Variants in FUT9 observed in about 807,000 individuals in gnomAD.
FUT9 encodes 4-galactosyl-N-acetylglucosaminide 3-alpha-L-fucosyltransferase 9.
FUT9 carries 15 observed loss-of-function variants against 29.7 expected under a neutral mutation model. That is an observed-to-expected ratio of 0.51 (90% CI 0.34 to 0.78). The LOEUF is 0.78. FUT9 is among the 30% of genes least tolerant of loss of function. The pLI, the probability that FUT9 is intolerant of heterozygous loss-of-function variation, is 0.01. For synonymous variants in FUT9, 169 were observed against 153.7 expected (o/e 1.10, Z -0.74); for missense variants, 319 against 425.4 (o/e 0.75, Z 2.20).
chr6:96,184,066 C>G (rs1773360597), intron 2 of FUT9, among the ~76,000 whole-genome samples: 1 of 152,068 alleles, frequency 6.6e-6, no homozygotes, highest in Non-Finnish European at 1.5e-5. Flanking sequence ...GTGACTCCAT[C>G]TGGTCCTGGA....
intron 2 of FUT9, among the ~76,000 whole-genome samples, chr6:96,148,865 C>A (rs1438491852): frequency 6.6e-6 from 1 of 152,072 alleles, no homozygotes; most frequent in Non-Finnish European, 1.5e-5. Flanking sequence ...AGACTTTTAA[C>A]TACTTGAGGC....
chr6:96,068,180 T>C (rs1770994956), intron 1 of FUT9, among the ~76,000 whole-genome samples: 2 of 152,146 alleles, frequency 1.3e-5, no homozygotes, highest in South Asian at 4.1e-4. Flanking sequence ...ACAGCTAGTG[T>C]ATATATTTGG....
chr6:96,025,806 CT>C, intron 1 of FUT9, among the ~76,000 whole-genome samples: 1 of 151,772 alleles, frequency 6.6e-6, no homozygotes, highest in East Asian at 1.9e-4. Flanking sequence ...TTTTTCTCTG[CT>C]CACAACTTAA....
intron 1 of FUT9, among the ~76,000 whole-genome samples, chr6:96,024,425 C>G (rs1045112100): frequency 1.3e-5 from 2 of 151,774 alleles, no homozygotes; most frequent in African/African-American, 4.8e-5. Flanking sequence ...TGCAGTGGCT[C>G]ATGGCATAAC....
rs3079049 is a variant in FUT9 at position 96,058,468 on chromosome 6, C to CA, written c.-98+42274dup. Among the ~76,000 whole-genome samples the CA allele has an allele frequency of 8.4e-3, 648 of 77,118 alleles. 16 individuals are homozygous for CA. Among genetic ancestry groups the CA allele is most frequent in the East Asian group, 0.028 (68 of 2,386 alleles). The allele number at this position is 77,118 out of a possible 152,430, so 50.6% of individuals were successfully genotyped here. ...AAAGACTGGGAACCTGGCTTTATTCCAAAAAAAAAAAAAAAAAAGCCAGAA... is the reference window on the plus strand; with the variant it reads ...AAAGACTGGGAACCTGGCTTTATTCCAAAAAAAAAAAAAAAAAAAGCCAGAA... On this transcript the variant is annotated intron_variant, in intron 1 of 2. Transcript: ENST00000302103.
rs1773788929 is a variant in FUT9, at chr6:96,204,400, G to A, written c.*165G>A. 2.2e-6 allele frequency: 1 copy of A among 447,404 alleles called. No homozygotes were observed. The highest frequency in any genetic ancestry group is 4.0e-6 in the Non-Finnish European group (1 of 251,348). 27.7% of individuals were successfully genotyped at this position (447,404 alleles called of 1,614,324 possible). The stretch of plus-strand genomic sequence containing the variant: ...GTGGAGATTTTTAAAAGCTCAGCAT[G>A]AGCAATCATTCCATTCGGTTTTAAA... On this transcript the variant is annotated 3_prime_UTR_variant, in exon 3 of 3. Coordinates refer to ENST00000302103, the MANE Select transcript of FUT9 (RefSeq NM_006581.4).
chr6:96,039,498 T>A (rs1007663361), intron 1 of FUT9, among the ~76,000 whole-genome samples: 5 of 152,136 alleles, frequency 3.3e-5, no homozygotes, highest in African/African-American at 1.2e-4. Context: ...TTTTTCTTCA[T>A]TCTGTCTCTT....
intron 2 of FUT9, among the ~76,000 whole-genome samples, chr6:96,174,581 A>G (rs1773170994): frequency 6.6e-6 from 1 of 152,104 alleles, no homozygotes; most frequent in Non-Finnish European, 1.5e-5. Flanking sequence ...TTCTGGCAGA[A>G]ATAGACACAG....
intron 2 of FUT9, among the ~76,000 whole-genome samples, chr6:96,160,861 A>G (rs1046983948): frequency 1.3e-5 from 2 of 152,214 alleles, no homozygotes; most frequent in African/African-American, 4.8e-5. Context: ...AGTAGTAGAA[A>G]TAACAATAAT....
chr6:96,049,528 G>T (rs1442694218), intron 1 of FUT9, among the ~76,000 whole-genome samples: 2 of 152,130 alleles, frequency 1.3e-5, no homozygotes, highest in Non-Finnish European at 2.9e-5. Flanking sequence ...TTTCAAAGGC[G>T]AGGGCCAAGG....
intron 1 of FUT9, among the ~76,000 whole-genome samples, chr6:96,030,297 A>G (rs1445427162): frequency 6.6e-6 from 1 of 151,668 alleles, no homozygotes; most frequent in African/African-American, 2.4e-5. Context: ...ACAAGTTGCA[A>G]AATATTTGAA....
At position 96,211,818 on chromosome 6, in the gene FUT9, T is replaced by A; in HGVS notation, c.*7583T>A. 3.1e-6 allele frequency: 1 copy of A among 323,646 alleles called. No homozygotes were observed. 20.0% of individuals were successfully genotyped at this position (323,646 alleles called of 1,614,324 possible). A position where few individuals can be genotyped will look rare whatever the true frequency, so the allele number is the denominator to read the frequency against. ...TTAAGTAGTTTCTAATTGTGTTCCTTTAAAGAGTATTAGAAATGTCTGTTA... is the reference window on the plus strand; with the variant it reads ...TTAAGTAGTTTCTAATTGTGTTCCTATAAAGAGTATTAGAAATGTCTGTTA... On this transcript the variant is annotated 3_prime_UTR_variant, in exon 3 of 3. Transcript: ENST00000302103.
chr6:96,196,335 T>C (rs1294015251), intron 2 of FUT9, among the ~76,000 whole-genome samples: 1 of 152,186 alleles, frequency 6.6e-6, no homozygotes, highest in African/African-American at 2.4e-5. Context: ...TAAGGTGAAC[T>C]ATTCATTTTT....
Position 96,073,620 on chromosome 6 carries a change from G to T in FUT9, c.-97-40419G>T, listed in dbSNP as rs191390960. 7.2e-5 allele frequency among the ~76,000 whole-genome samples: 11 copies of T among 152,294 alleles called. No individual in the cohort carries two copies. In the East Asian group the frequency reaches 1.2e-3, roughly 16 times the overall value. ...TTGAGAAATGGATTGAACATTATCA[G>T]TATCTTGCTATTAATTAAAATCTTT... On this transcript the variant is annotated intron_variant, in intron 1 of 2. Coordinates refer to ENST00000302103, the MANE Select transcript of FUT9 (RefSeq NM_006581.4).
At chr6:96,134,112 G>GA (rs1333290276) in intron 2 of FUT9, among the ~76,000 whole-genome samples, 1 of 151,420 alleles carries the variant, frequency 6.6e-6, no homozygotes, top group East Asian at 1.9e-4. Context: ...TGAACAAATA[G>GA]AAAAAAATTA....
In FUT9 at chr6:96,019,979, G is replaced by A. The variant is rs549942578; in HGVS notation, c.-98+3767G>A. Among the ~76,000 whole-genome samples the A allele has an allele frequency of 5.9e-5, 9 of 152,164 alleles. No homozygotes were observed. In the South Asian group the frequency reaches 1.9e-3, roughly 32 times the overall value. On this transcript the variant is annotated intron_variant, in intron 1 of 2. Coordinates refer to ENST00000302103, the MANE Select transcript of FUT9 (RefSeq NM_006581.4). ...TAAGATGTTAATAAAGGAGAAGTCA[G>A]TATTAATGTTAAAGAAATCTGAAAA...
intron 2 of FUT9, among the ~76,000 whole-genome samples, chr6:96,187,215 G>A (rs1373354093): frequency 6.6e-6 from 1 of 152,104 alleles, no homozygotes; most frequent in Non-Finnish European, 1.5e-5. Flanking sequence ...GCAGATAGAG[G>A]ACCAGAAATT....
intron 1 of FUT9, among the ~76,000 whole-genome samples, chr6:96,063,444 T>C (rs986874346): frequency 6.6e-6 from 1 of 151,876 alleles, no homozygotes; most frequent in South Asian, 2.1e-4. Context: ...TTTACAACAA[T>C]CAGATCTCAT....
intron 2 of FUT9, among the ~76,000 whole-genome samples, chr6:96,174,040 G>A (rs778639071): frequency 3.3e-5 from 5 of 152,094 alleles, no homozygotes; most frequent in African/African-American, 1.2e-4. Context: ...CTTCTAAAAT[G>A]AGGAATTTGC....
Sources: allele counts gnomAD v4.1 joint callset (sites outside exome capture counted in the v4.1 genomes callset), GRCh38; gene constraint gnomAD v4.1.1; transcripts MANE v1.5; gene names NCBI Gene and HGNC (gene_info 2026-07-23, HGNC 2026-07-21).